The following NLRC3 variants were observed in gnomAD, a reference collection of about 807,000 sequenced individuals.
NLRC3 encodes NLR family CARD domain-containing protein 3.
NLRC3 carries 87 observed loss-of-function variants against 91.6 expected under a neutral mutation model. That is an observed-to-expected ratio of 0.95 (90% CI 0.80 to 1.14). NLRC3 has a LOEUF of 1.14. Among genes scored for constraint, NLRC3 ranks in the 50% most tolerant of loss-of-function variants. The probability of loss-of-function intolerance (pLI) is 0.00; values close to 1 mark genes in which losing one functional copy is unlikely to be tolerated. For missense variants in NLRC3, 1,577 were observed against 1,418.6 expected, an observed-to-expected ratio of 1.11 and a Z score of -1.79; for synonymous variants, 694 against 625.3, an observed-to-expected ratio of 1.11 and a Z score of -1.64.
At chr16:3,562,771 A>G (rs1279050636) in intron 5 of NLRC3, 2 of 608,350 alleles carry the variant, frequency 3.3e-6, no homozygotes. Flanking sequence ...GAGAGGAAGG[A>G]AAGAACCTCT....
chr16:3,559,107 A>G (rs2039488491), intron 6 of NLRC3, among the ~76,000 whole-genome samples: 1 of 152,174 alleles, frequency 6.6e-6, no homozygotes, highest in Admixed American at 6.5e-5. Context: ...CAAACTGTTC[A>G]CTGGAATAAA....
chr16:3,548,816 T>A, intron 13 of NLRC3, 63 bp from the exon 14 acceptor site: 1 of 1,159,744 alleles, frequency 8.6e-7, no homozygotes, highest in Non-Finnish European at 1.2e-6. Context: ...CGGTCCTTGG[T>A]CACCAGGGAT....
intron 8 of NLRC3, 115 bp from the exon 9 acceptor site, chr16:3,554,440 G>A: frequency 2.9e-6 from 2 of 684,220 alleles, no homozygotes; most frequent in Non-Finnish European, 5.3e-6. Context: ...ACCACTACGT[G>A]CCCTCACCGC....
intron 7 of NLRC3, among the ~76,000 whole-genome samples, chr16:3,557,343 C>T (rs2039389983): frequency 6.6e-6 from 1 of 152,170 alleles, no homozygotes; most frequent in Non-Finnish European, 1.5e-5. Flanking sequence ...GTCCTTCTGC[C>T]CCACCAGGAA....
intron 19 of NLRC3, 109 bp from the exon 20 acceptor site, chr16:3,542,024 G>T: frequency 2.5e-6 from 2 of 811,374 alleles, no homozygotes; most frequent in Non-Finnish European, 4.2e-6. Context: ...GTGCTTCTAG[G>T]ATCCCCTCGC....
chr16:3,571,114 A>G (rs1400767705), intron 1 of NLRC3, among the ~76,000 whole-genome samples: 1 of 152,200 alleles, frequency 6.6e-6, no homozygotes, highest in African/African-American at 2.4e-5. Context: ...GTTTGGTAAC[A>G]TGACAAAAAT....
chr16:3,558,472 C>T (rs750663658), intron 6 of NLRC3, among the ~76,000 whole-genome samples: 8 of 152,078 alleles, frequency 5.3e-5, no homozygotes, highest in Admixed American at 2.0e-4. Flanking sequence ...AATCAGCTTT[C>T]GTGAACTGGT....
chr16:3,570,660 G>A (rs1006904787), intron 1 of NLRC3, among the ~76,000 whole-genome samples: 41 of 152,266 alleles, frequency 2.7e-4, no homozygotes, highest in African/African-American at 9.2e-4. Flanking sequence ...CCTAGGAGTA[G>A]AGAGGGTGAG....
At chr16:3,559,488 C>T (rs1224653092) in intron 6 of NLRC3, among the ~76,000 whole-genome samples, 3 of 152,192 alleles carry the variant, frequency 2.0e-5, no homozygotes, top group Non-Finnish European at 4.4e-5. Flanking sequence ...GCCACTGTGC[C>T]TGGCCCCCGA....
At chr16:3,552,168 A>G in intron 10 of NLRC3, 28 bp downstream of exon 10, 1 of 1,334,660 alleles carries the variant, frequency 7.5e-7, no homozygotes, top group Non-Finnish European at 1.1e-6. Context: ...CACTGAGGAT[A>G]CTAGTGTGGG....
chr16:3,546,523 C>T (rs1053672138), intron 15 of NLRC3, among the ~76,000 whole-genome samples: 1 of 151,880 alleles, frequency 6.6e-6, no homozygotes, highest in African/African-American at 2.4e-5. Flanking sequence ...CGCCTCTGCA[C>T]TCCAGCCTGG....
chr16:3,544,245 C>G lies in NLRC3; in HGVS notation c.2855+1G>C. On this transcript the variant is annotated splice_donor_variant, in intron 16 of 19. Transcript: ENST00000359128. LOFTEE classifies it high-confidence loss of function. ...GACTGCTGCGCACATCTAGGACTTA[C>G]TAGAGAGCAGTGAGGGCTGTGTTGA... The G allele has an allele frequency of 6.3e-7, 1 of 1,591,982 alleles. No homozygotes were observed. The highest frequency in any genetic ancestry group is 8.6e-7 in the Non-Finnish European group (1 of 1,160,050).
chr16:3,549,903 G>C, intron 11 of NLRC3, 123 bp from the exon 12 acceptor site: 1 of 631,336 alleles, frequency 1.6e-6, no homozygotes, highest in Non-Finnish European at 2.8e-6. Flanking sequence ...GGACAGTGGT[G>C]GCCACACTGC....
intron 12 of NLRC3, 79 bp from the exon 13 acceptor site, chr16:3,549,304 T>G: frequency 2.8e-6 from 3 of 1,056,244 alleles, no homozygotes; most frequent in Non-Finnish European, 4.3e-6. Context: ...TGTTTAGGCT[T>G]CTTGAAGCCC....
At position 3,565,060 on chromosome 16, in the gene NLRC3, G is replaced by T; in HGVS notation, c.-24C>A. 1.9e-6 allele frequency: 3 copies of T among 1,602,920 alleles called. No homozygotes were observed. The highest frequency in any genetic ancestry group is 2.5e-6 in the Non-Finnish European group (3 of 1,177,562). ...ATGGAGTCGGGGATCACCTCCAGGA[G>T]CTGTGAAGAGAGGGCCTGAACCTGC... On this transcript the variant is annotated splice_region_variant and 5_prime_UTR_variant, in exon 4 of 20. Transcript: ENST00000359128.
In NLRC3 at chr16:3,549,689, G is replaced by T; in HGVS notation, c.2519+8C>A. On this transcript the variant is annotated splice_region_variant and intron_variant, in intron 12 of 19. Coordinates refer to ENST00000359128, the MANE Select transcript of NLRC3 (RefSeq NM_178844.4). The stretch of plus-strand genomic sequence containing the variant: ...ACGCCCTGTTTGGAGAGGGTGGCCA[G>T]GACTTACCTGAGGCTGAGGAGGGTC... 1 of 1,548,096 alleles carries T rather than the reference G, an allele frequency of 6.5e-7. No individual in the cohort carries two copies. The highest frequency in any genetic ancestry group is 1.2e-5 in the South Asian group (1 of 83,994).
rs950086252 is a variant in NLRC3, at chr16:3,539,401, G to A, written c.*2424C>T. The A allele has an allele frequency of 1.3e-5, 2 of 152,340 alleles. No homozygotes were observed. The highest frequency in any genetic ancestry group is 4.8e-5 in the African/African-American group (2 of 41,458). 9.4% of individuals were successfully genotyped at this position (152,340 alleles called of 1,614,324 possible). A position where few individuals can be genotyped will look rare whatever the true frequency, so the allele number is the denominator to read the frequency against. On this transcript the variant is annotated 3_prime_UTR_variant, in exon 20 of 20. Transcript: ENST00000359128. ...TCTGTGTGGGCTAGCTGGCTCTGGTGTGTGCCTGACGACAGACTGAACTCC... is the reference window on the plus strand; with the variant it reads ...TCTGTGTGGGCTAGCTGGCTCTGGTATGTGCCTGACGACAGACTGAACTCC...
At chr16:3,552,103 A>G (rs1177253623) in intron 10 of NLRC3, 93 bp downstream of exon 10, 3 of 792,592 alleles carry the variant, frequency 3.8e-6, no homozygotes, top group Non-Finnish European at 4.4e-6. Context: ...CCATCAATCC[A>G]TCCATCCATC....
chr16:3,542,217 A>G lies in NLRC3; in HGVS notation c.3081T>C (p.Ser1027=). ...TGATATGCTGGAGCCTGTGGTTTCC[A>G]GACAGTGCTGTGGCAATGCATATCG... The part of the protein sequence containing the change: ...DGAICIATAL[S]GNHRLQHINL... Residue 1027 remains serine, a synonymous_variant, in exon 19 of 20, where the codon TCT becomes TCC. Coordinates refer to ENST00000359128, the MANE Select transcript of NLRC3 (RefSeq NM_178844.4). 1 of 1,592,386 alleles carries G rather than the reference A, an allele frequency of 6.3e-7. No individual in the cohort carries two copies. Among genetic ancestry groups the G allele is most frequent in the Non-Finnish European group, 8.6e-7 (1 of 1,169,116 alleles).
Sources: allele counts gnomAD v4.1 joint callset (sites outside exome capture counted in the v4.1 genomes callset), GRCh38; gene constraint gnomAD v4.1.1; transcripts MANE v1.5; gene names NCBI Gene and HGNC (gene_info 2026-07-23, HGNC 2026-07-21).